Variants in RAB18 observed in about 807,000 individuals in gnomAD.
RAB18 encodes the protein RAB18, member RAS oncogene family.
Under a neutral mutation model 28.5 loss-of-function variants are expected in RAB18, and 10 were observed. The ratio of observed to expected loss-of-function variants is 0.35; its 90% confidence interval spans 0.22 to 0.60. The LOEUF is 0.60. Ranked by LOEUF, RAB18 falls within the 20% of genes least tolerant of loss-of-function variation. RAB18 has a pLI of 0.78. For synonymous variants in RAB18, 93 were observed against 86.9 expected, an observed-to-expected ratio of 1.07 and a Z score of -0.39; for missense variants, 188 against 244.2, an observed-to-expected ratio of 0.77 and a Z score of 1.53.
intron 4 of RAB18, 74 bp downstream of exon 4, chr10:27,532,653 A>G (rs933790240): frequency 8.4e-7 from 1 of 1,195,682 alleles, no homozygotes; most frequent in Non-Finnish European, 1.2e-6. Context: ...GTGAAAGTTA[A>G]TATGTCTTTG....
intron 1 of RAB18, chr10:27,505,219 T>C: frequency 2.0e-6 from 1 of 498,898 alleles, no homozygotes; most frequent in Non-Finnish European, 4.1e-6. Flanking sequence ...TGGATGTTGC[T>C]AGAGGGCTGT....
In RAB18 at chr10:27,538,108, A is replaced by T. The variant is rs1457467852; in HGVS notation, c.*57A>T. 6 of 1,604,932 alleles carry T rather than the reference A, an allele frequency of 3.7e-6. No homozygotes were observed. The highest frequency in any genetic ancestry group is 5.1e-6 in the Non-Finnish European group (6 of 1,171,848). On this transcript the variant is annotated 3_prime_UTR_variant, in exon 7 of 7. Transcript: ENST00000356940. ...ATCAGATAGTGACATCTTTCTGTAT[A>T]TAAACTCTTTAACTGCTATTTTAGG...
chr10:27,533,852 A>T lies in RAB18; in HGVS notation c.377A>T (p.Lys126Met). ...VNMLVGNKID[K>M]ENREVDRNEG... ...ATGCTAGTTGGAAATAAAATCGATA[A>T]GGTAAGAAGGCAGACACTTGGCATT... The change falls in exon 5 of 7, where the codon AAG (lysine) becomes ATG (methionine). Residue 126 changes from lysine (K) to methionine (M), a missense_variant and splice_region_variant. Coordinates refer to ENST00000356940, the MANE Select transcript of RAB18 (RefSeq NM_021252.5). The T allele has an allele frequency of 1.9e-6, 3 of 1,612,570 alleles. No homozygotes were observed. The highest frequency in any genetic ancestry group is 2.5e-6 in the Non-Finnish European group (3 of 1,178,654).
chr10:27,509,567 G>C (rs1220557638), intron 1 of RAB18, among the ~76,000 whole-genome samples: 1 of 152,042 alleles, frequency 6.6e-6, no homozygotes, highest in Admixed American at 6.5e-5. Context: ...TTTCTCAGAA[G>C]GACATACCAG....
chr10:27,525,687 G>A (rs755867046), intron 2 of RAB18, among the ~76,000 whole-genome samples: 58 of 151,988 alleles, frequency 3.8e-4, no homozygotes, highest in Non-Finnish European at 6.5e-4. Context: ...TATCACCCCA[G>A]CTCAAAACAC....
intron 2 of RAB18, among the ~76,000 whole-genome samples, chr10:27,517,891 T>C (rs1355444180): frequency 6.6e-6 from 1 of 152,212 alleles, no homozygotes; most frequent in Non-Finnish European, 1.5e-5. Context: ...AGCAGCCACT[T>C]ACCTGGTCTC....
chr10:27,510,073 T>G (rs946758455), intron 2 of RAB18, 143 bp downstream of exon 2: 2 of 697,822 alleles, frequency 2.9e-6, no homozygotes, highest in African/African-American at 3.6e-5. Flanking sequence ...AAGACTTAAT[T>G]TTGGTATCAT....
intron 3 of RAB18, among the ~76,000 whole-genome samples, chr10:27,529,354 CTG>C (rs1318957637): frequency 6.6e-6 from 1 of 151,860 alleles, no homozygotes; most frequent in Non-Finnish European, 1.5e-5. Flanking sequence ...GGCGTTTCCT[CTG>C]TATTAGAAAT....
intron 2 of RAB18, among the ~76,000 whole-genome samples, chr10:27,521,840 A>T (rs1036236301): frequency 1.3e-5 from 2 of 151,004 alleles, no homozygotes; most frequent in Admixed American, 1.3e-4. Context: ...CTAAAAACCT[A>T]TTGAAATAAA....
Position 27,533,934 on chromosome 10 carries a change from C to G in RAB18, c.385C>G (p.Arg129Gly). ...CATTGCATTTATATTTTAGGAAAAT[C>G]GTGAAGTCGATAGAAATGAAGGCCT... ...LVGNKIDKEN[R>G]EVDRNEGLKF... The change falls in exon 6 of 7, where the codon CGT becomes GGT. Residue 129 changes from arginine to glycine, a missense_variant. Physicochemically the swap from Arg to Gly is moderately radical, Grantham distance 125. Transcript: ENST00000356940. 1.2e-6 allele frequency: 2 copies of G among 1,610,300 alleles called. No homozygotes were observed. The highest frequency in any genetic ancestry group is 2.2e-5 in the South Asian group (2 of 90,984).
At chr10:27,534,608 C>G (rs956486600) in intron 6 of RAB18, among the ~76,000 whole-genome samples, 16 of 152,128 alleles carry the variant, frequency 1.1e-4, no homozygotes, top group African/African-American at 3.9e-4. Flanking sequence ...TCTATCTGGC[C>G]CTTTACAGAA....
Position 27,534,813 on chromosome 10 carries a change from G to A in RAB18, c.445+819G>A, listed in dbSNP as rs556321224. Among the ~76,000 whole-genome samples, 5 of 152,328 alleles carry A rather than the reference G, an allele frequency of 3.3e-5. No individual in the cohort carries two copies. The South Asian group carries it at 1.0e-3, about 32-fold the overall frequency. On this transcript the variant is annotated intron_variant, in intron 6 of 6. Coordinates refer to ENST00000356940, the MANE Select transcript of RAB18 (RefSeq NM_021252.5). ...CTACCAGGAATCTGCAAATGAAGTT[G>A]AGAGGACTTCATATATAGATAAAAA...
At chr10:27,517,483 G>A (rs985096339) in intron 2 of RAB18, among the ~76,000 whole-genome samples, 1 of 152,158 alleles carries the variant, frequency 6.6e-6, no homozygotes, top group Non-Finnish European at 1.5e-5. Flanking sequence ...AACAAAATCA[G>A]CAAATCTTTT....
intron 1 of RAB18, among the ~76,000 whole-genome samples, chr10:27,509,057 TGTAA>T (rs1834272759): frequency 6.6e-6 from 1 of 152,224 alleles, no homozygotes; most frequent in Non-Finnish European, 1.5e-5. Context: ...TTCTGGAAGA[TGTAA>T]AATCTTAGAG....
rs74367644 is a variant in RAB18, at chr10:27,520,480, C to G, written c.125-6348C>G. 1.5e-3 allele frequency among the ~76,000 whole-genome samples: 231 copies of G among 152,090 alleles called. 6 individuals carry two copies. In the East Asian group the frequency reaches 0.041, roughly 27 times the overall value. On this transcript the variant is annotated intron_variant, in intron 2 of 6. Coordinates refer to ENST00000356940, the MANE Select transcript of RAB18 (RefSeq NM_021252.5). ...AGTTTTCCTTATTGTGTTTTATTCT[C>G]TAATTATCTTTGCTCGTATTATTTA...
chr10:27,514,398 A>G (rs1834389894), intron 2 of RAB18, among the ~76,000 whole-genome samples: 1 of 152,200 alleles, frequency 6.6e-6, no homozygotes, highest in Admixed American at 6.5e-5. Flanking sequence ...AAGAAATAGA[A>G]TGATTGCATG....
intron 6 of RAB18, 30 bp from the exon 7 acceptor site, chr10:27,537,846 C>T (rs771727993): frequency 2.5e-5 from 39 of 1,576,746 alleles, no homozygotes; most frequent in Non-Finnish European, 3.3e-5. Flanking sequence ...AAGGAATATA[C>T]TATGAATGAC....
Position 27,517,484 on chromosome 10 carries a change from CA to C in RAB18, c.124+7557del, listed in dbSNP as rs751749215. The stretch of plus-strand genomic sequence containing the variant: ...TAGGGAATTGGACTAACAAAATCAG[CA>C]AATCTTTTGAATAAAGACCTCACTA... On this transcript the variant is annotated intron_variant, in intron 2 of 6. Transcript: ENST00000356940. 1.7e-3 allele frequency among the ~76,000 whole-genome samples: 263 copies of C among 152,258 alleles called. 1 individual carries two copies. The highest frequency in any genetic ancestry group is 3.2e-3 in the Non-Finnish European group (218 of 68,010).
rs78886393 is a variant in RAB18 at position 27,520,522 on chromosome 10, A to G, written c.125-6306A>G. On this transcript the variant is annotated intron_variant, in intron 2 of 6. Coordinates refer to ENST00000356940, the MANE Select transcript of RAB18 (RefSeq NM_021252.5). ...TATTATTTATTACTTCTGCCCTGCT[A>G]GCTTTGCACAGAGTTTACTCCTCTC... Among the ~76,000 whole-genome samples, 232 of 152,226 alleles carry G rather than the reference A, an allele frequency of 1.5e-3. 5 individuals carry two copies. In the East Asian group the frequency reaches 0.041, roughly 27 times the overall value.
Sources: gnomAD v4.1 joint callset for allele counts (sites outside exome capture counted in the v4.1 genomes callset) on GRCh38, gnomAD v4.1.1 for gene constraint, MANE v1.5 for transcripts, NCBI Gene and HGNC (gene_info 2026-07-23, HGNC 2026-07-21) for gene names.